The following WDR25 variants were observed in gnomAD, a reference collection of about 807,000 sequenced individuals.
WDR25 encodes the protein WD repeat-containing protein 25.
Under a neutral mutation model 47.7 loss-of-function variants are expected in WDR25, and 35 were observed. The observed-to-expected ratio is 0.73, with a 90% CI of 0.56 to 0.97. WDR25 has a LOEUF of 0.97. Ranked by LOEUF, WDR25 falls within the 50% of genes least tolerant of loss-of-function variation. The pLI, the probability that WDR25 is intolerant of heterozygous loss-of-function variation, is 0.00. For missense variants in WDR25, 634 were observed against 704.7 expected (o/e 0.90, Z 1.14); for synonymous variants, 248 against 278.9 (o/e 0.89, Z 1.10).
At chr14:100,507,845 A>G (rs1901167813) in intron 4 of WDR25, among the ~76,000 whole-genome samples, 1 of 152,102 alleles carries the variant, frequency 6.6e-6, no homozygotes, top group Admixed American at 6.6e-5. Context: ...GGTTTTCTAA[A>G]TATTGAATAA....
Position 100,381,610 on chromosome 14 carries a change from A to T in WDR25, c.686A>T (p.Tyr229Phe). ...ATTCAGCCATATTTGAATAGCCATT[A>T]TAAAGAAACCACAGTTCCCCGGAAA... is the stretch of plus-strand genomic sequence containing the variant. ...EFIQPYLNSH[Y>F]KETTVPRKVL... The change falls in exon 2 of 7, where the codon TAT (tyrosine) becomes TTT (phenylalanine). Residue 229 changes from tyrosine (Y) to phenylalanine (F), a missense_variant. Transcript: ENST00000402312. 1 of 1,608,526 alleles carries T rather than the reference A, an allele frequency of 6.2e-7. No homozygotes were observed.
intron 4 of WDR25, among the ~76,000 whole-genome samples, chr14:100,512,065 T>A (rs1018427983): frequency 6.6e-6 from 1 of 152,174 alleles, no homozygotes; most frequent in African/African-American, 2.4e-5. Context: ...GAACTTTTTT[T>A]ATTATAATAT....
chr14:100,381,682 A>G lies in WDR25; in HGVS notation c.758A>G (p.Gln253Arg). 1 of 1,614,158 alleles carries G rather than the reference A, an allele frequency of 6.2e-7. No individual in the cohort carries two copies. The highest frequency in any genetic ancestry group is 8.5e-7 in the Non-Finnish European group (1 of 1,180,014). ...RGHRGPVNTI[Q>R]WCPVLSKSHM... ...CACAGGGGCCCTGTCAACACCATTC[A>G]GTGGTGTCCAGTCCTTTCTAAGAGC... Residue 253 changes from glutamine to arginine, a missense_variant, in exon 2 of 7, where the codon CAG becomes CGG. Coordinates refer to ENST00000402312, the MANE Select transcript of WDR25 (RefSeq NM_001161476.3).
rs138002985 is a variant in WDR25, at chr14:100,488,732, A to G, written c.1101+4608A>G. Among the ~76,000 whole-genome samples the G allele has an allele frequency of 6.6e-6, 1 of 152,266 alleles. No homozygotes were observed. Among genetic ancestry groups the G allele is most frequent in the East Asian group, 1.9e-4 (1 of 5,176 alleles). ...CCACATTTTGAGAAGCTAGGGACCA[A>G]AGGGCCTCTGAAGTTAAAAGTCCCT... On this transcript the variant is annotated intron_variant, in intron 4 of 6. Transcript: ENST00000402312. This position sits in a 1 kb window ranked among gnomAD's most constrained non-coding sequence, Gnocchi z 4.2.
At chr14:100,401,895 G>A (rs1420477899) in intron 2 of WDR25, among the ~76,000 whole-genome samples, 2 of 152,190 alleles carry the variant, frequency 1.3e-5, no homozygotes, top group Admixed American at 6.5e-5. Flanking sequence ...TTTTAGCATG[G>A]ACACTTTGGA....
intron 3 of WDR25, among the ~76,000 whole-genome samples, chr14:100,478,830 C>T (rs1900106055): frequency 6.6e-6 from 1 of 152,140 alleles, no homozygotes; most frequent in Non-Finnish European, 1.5e-5. Context: ...GACTGTATCA[C>T]TGCACTTTTG....
chr14:100,399,826 T>C (rs1897336093), intron 2 of WDR25, among the ~76,000 whole-genome samples: 1 of 152,204 alleles, frequency 6.6e-6, no homozygotes, highest in Non-Finnish European at 1.5e-5. Flanking sequence ...TTTTGAGTAA[T>C]CTACTTCCCT....
chr14:100,451,508 C>T (rs1233146520), intron 2 of WDR25, among the ~76,000 whole-genome samples: 1 of 152,202 alleles, frequency 6.6e-6, no homozygotes, highest in Admixed American at 6.5e-5. Flanking sequence ...GCATCAGCCA[C>T]CTTGCCTGGC....
At chr14:100,489,531 T>C (rs1178802497) in intron 4 of WDR25, among the ~76,000 whole-genome samples, 1 of 152,244 alleles carries the variant, frequency 6.6e-6, no homozygotes, top group Non-Finnish European at 1.5e-5. Flanking sequence ...ATAGCAAATT[T>C]GGTGAATCAC....
In WDR25 at chr14:100,455,968, G is replaced by A. The variant is rs551163566; in HGVS notation, c.823-12053G>A. ...GGAGTAATGGAGTATGTGTATGGCA[G>A]GTATGAGGTGGAGGTGAGGAGGTGG... On this transcript the variant is annotated intron_variant, in intron 2 of 6. Coordinates refer to ENST00000402312, the MANE Select transcript of WDR25 (RefSeq NM_001161476.3). Among the ~76,000 whole-genome samples the A allele has an allele frequency of 3.3e-5, 5 of 152,294 alleles. No individual in the cohort carries two copies. In the South Asian group the frequency reaches 1.0e-3, roughly 32 times the overall value.
chr14:100,394,768 G>T (rs993380411), intron 2 of WDR25, among the ~76,000 whole-genome samples: 1 of 152,162 alleles, frequency 6.6e-6, no homozygotes, highest in African/African-American at 2.4e-5. Flanking sequence ...CTTAGAAGAT[G>T]AGGAGCCAGG....
intron 2 of WDR25, among the ~76,000 whole-genome samples, chr14:100,447,437 G>A (rs1246934386): frequency 6.6e-6 from 1 of 152,262 alleles, no homozygotes; most frequent in Admixed American, 6.5e-5. Context: ...CAGCCTTGCA[G>A]TGGAGGAGGG....
At chr14:100,390,343 T>G (rs1242796943) in intron 2 of WDR25, among the ~76,000 whole-genome samples, 2 of 151,954 alleles carry the variant, frequency 1.3e-5, no homozygotes, top group East Asian at 3.9e-4. Context: ...TTCCTGCTGC[T>G]CATTCCAATT....
chr14:100,472,041 C>T (rs1010479195), intron 3 of WDR25, among the ~76,000 whole-genome samples: 3 of 152,200 alleles, frequency 2.0e-5, no homozygotes, highest in African/African-American at 4.8e-5. Context: ...TCAGAATCCC[C>T]CGGAGAGCTC....
chr14:100,524,352 C>T (rs1041578260), intron 4 of WDR25, among the ~76,000 whole-genome samples: 1 of 152,068 alleles, frequency 6.6e-6, no homozygotes, highest in African/African-American at 2.4e-5. Context: ...CAGGGAGGGC[C>T]GTCATCTTCC....
rs1034830553 is a variant in WDR25 at position 100,499,782 on chromosome 14, C to T, written c.1101+15658C>T. The stretch of plus-strand genomic sequence containing the variant: ...CTGTCCTGGGCTGTGGAATGGGTCC[C>T]AGGGGGTGAAGTTCGCTGTGTTCTG... On this transcript the variant is annotated intron_variant, in intron 4 of 6. Coordinates refer to ENST00000402312, the MANE Select transcript of WDR25 (RefSeq NM_001161476.3). This position sits in a 1 kb window ranked among gnomAD's most constrained non-coding sequence, Gnocchi z 4.4. Among the ~76,000 whole-genome samples the T allele has an allele frequency of 1.3e-5, 2 of 152,134 alleles. No individual in the cohort carries two copies. Among genetic ancestry groups the T allele is most frequent in the Non-Finnish European group, 2.9e-5 (2 of 68,020 alleles).
intron 2 of WDR25, among the ~76,000 whole-genome samples, chr14:100,443,657 A>G (rs1195443258): frequency 6.6e-6 from 1 of 152,048 alleles, no homozygotes. Flanking sequence ...AACTCAACAT[A>G]TCTCTGACAA....
chr14:100,379,829 C>T (rs1485041319), intron 1 of WDR25, among the ~76,000 whole-genome samples: 3 of 151,888 alleles, frequency 2.0e-5, no homozygotes, highest in Admixed American at 6.6e-5. Flanking sequence ...GCAACTTCCG[C>T]CTCCTGGGTT....
intron 2 of WDR25, chr14:100,382,146 G>C: frequency 1.4e-6 from 1 of 702,968 alleles, no homozygotes; most frequent in Non-Finnish European, 2.6e-6. Context: ...AGGGCTGTTG[G>C]GAGAGGTAGG....
Sources: gnomAD v4.1 joint callset for allele counts (sites outside exome capture counted in the v4.1 genomes callset) on GRCh38, gnomAD v4.1.1 for gene constraint, Gnocchi (gnomAD v3.1) non-coding constraint, MANE v1.5 for transcripts, NCBI Gene and HGNC (gene_info 2026-07-23, HGNC 2026-07-21) for gene names.